GLYR1: variants seen among roughly 807,000 people sequenced by gnomAD.
The protein encoded by GLYR1 is cytokine-like nuclear factor N-PAC.
GLYR1 carries 21 observed loss-of-function variants against 72.7 expected under a neutral mutation model. That is an observed-to-expected ratio of 0.29 (90% CI 0.20 to 0.42). GLYR1 has a LOEUF of 0.42. Among genes scored for constraint, GLYR1 ranks in the 10% least tolerant of loss-of-function variants. GLYR1 has a pLI of 1.00. For missense variants in GLYR1, 594 were observed against 712.1 expected, an observed-to-expected ratio of 0.83 and a Z score of 1.89; for synonymous variants, 392 against 270.2, an observed-to-expected ratio of 1.45 and a Z score of -4.42.
At chr16:4,823,107 C>T (rs1040502490) in intron 6 of GLYR1, among the ~76,000 whole-genome samples, 176 bp from the exon 7 acceptor site, 44 of 152,224 alleles carry the variant, frequency 2.9e-4, no homozygotes, top group African/African-American at 1.1e-3. Flanking sequence ...AAAACAAGCC[C>T]CATTCCAGCT....
intron 6 of GLYR1, 105 bp from the exon 7 acceptor site, chr16:4,823,036 T>C (rs1443170850): frequency 4.3e-6 from 4 of 939,276 alleles, no homozygotes; most frequent in Non-Finnish European, 6.9e-6. Flanking sequence ...CTCTGGATTC[T>C]GGTCTCTTTT....
In GLYR1 at chr16:4,845,163, A is replaced by G; in HGVS notation, c.76-10T>C. ...TTGGTGGATTAACAATCTGGAGGATAAAAGGGGGGAAAAAGGTTGGCTGGC... is the reference window on the plus strand; with the variant it reads ...TTGGTGGATTAACAATCTGGAGGATGAAAGGGGGGAAAAAGGTTGGCTGGC... On this transcript the variant is annotated splice_polypyrimidine_tract_variant and intron_variant, in intron 2 of 15. Transcript: ENST00000321919. 1 of 1,609,000 alleles carries G rather than the reference A, an allele frequency of 6.2e-7. No homozygotes were observed.
intron 15 of GLYR1, among the ~76,000 whole-genome samples, chr16:4,807,265 C>T (rs1596297998): frequency 6.6e-6 from 1 of 151,944 alleles, no homozygotes; most frequent in African/African-American, 2.4e-5. Flanking sequence ...GTGCCCGCCA[C>T]TATGCCCGGC....
rs1259530395 is a variant in GLYR1 at position 4,812,178 on chromosome 16, C to T, written c.1190G>A (p.Gly397Glu). 2.5e-6 allele frequency: 4 copies of T among 1,614,182 alleles called. No individual in the cohort carries two copies. Among genetic ancestry groups the T allele is most frequent in the Non-Finnish European group, 3.4e-6 (4 of 1,180,044 alleles). The change falls in exon 13 of 16, where the codon GGG (glycine) becomes GAG (glutamate). Residue 397 changes from glycine to glutamate, a missense_variant. Around this residue, in one of 5 missense-constraint regions of GLYR1, gnomAD observed 266 missense variants for 358.4 expected, o/e 0.74. Transcript: ENST00000321919. Reference sequence around the variant, plus strand: ...TCCAGCCGCTAAGATCACCAACATCCCGTCATTAGACAGCTGCTGATTCCC... The same window carrying T: ...TCCAGCCGCTAAGATCACCAACATCTCGTCATTAGACAGCTGCTGATTCCC... ...VSGNQQLSNDGMLVILAAGDR... is the reference protein window; with the variant it reads ...VSGNQQLSNDEMLVILAAGDR...
chr16:4,844,996 G>A lies in GLYR1; in HGVS notation c.155+78C>T, dbSNP rs1196738854. On this transcript the variant is annotated intron_variant, in intron 3 of 15. Transcript: ENST00000321919. ...AAGAAGACTGAACTAAGGATCCTTA[G>A]AATATTTTCAAAGCAGCTCAGACTC... 8 of 929,530 alleles carry A rather than the reference G, an allele frequency of 8.6e-6. No homozygotes were observed. The African/African-American group carries it at 1.1e-4, about 13-fold the overall frequency. The allele number at this position is 929,530 out of a possible 1,614,324, so 57.6% of individuals were successfully genotyped here. A position where few individuals can be genotyped will look rare whatever the true frequency, so the allele number is the denominator to read the frequency against.
intron 3 of GLYR1, 152 bp from the exon 4 acceptor site, chr16:4,833,064 A>T (rs1326618908): frequency 3.4e-6 from 2 of 585,982 alleles, no homozygotes; most frequent in Non-Finnish European, 5.6e-6. Context: ...GCTATCAACC[A>T]TCTCAGAGTC....
At chr16:4,811,960 G>A in intron 13 of GLYR1, 126 bp downstream of exon 13, 7 of 1,431,462 alleles carry the variant, frequency 4.9e-6, no homozygotes, top group Non-Finnish European at 6.6e-6. Flanking sequence ...CACTGACTAT[G>A]CAGGTGAAAG....
At chr16:4,846,928 C>A (rs1239217855) in intron 1 of GLYR1, 2 of 462,592 alleles carry the variant, frequency 4.3e-6, no homozygotes, top group South Asian at 2.8e-5. Context: ...TCCGGGGAAG[C>A]CTCGCGGCAC....
intron 9 of GLYR1, among the ~76,000 whole-genome samples, chr16:4,820,375 G>A (rs2083933638): frequency 6.6e-6 from 1 of 152,156 alleles, no homozygotes; most frequent in African/African-American, 2.4e-5. Flanking sequence ...GGTGGGTTGG[G>A]CAACAACAAA....
Position 4,821,544 on chromosome 16 carries a change from T to A in GLYR1, c.732+3A>T. The A allele has an allele frequency of 6.2e-7, 1 of 1,614,078 alleles. No individual in the cohort carries two copies. Among genetic ancestry groups the A allele is most frequent in the Non-Finnish European group, 8.5e-7 (1 of 1,179,984 alleles). On this transcript the variant is annotated splice_donor_region_variant and intron_variant, in intron 8 of 15. Coordinates refer to ENST00000321919, the MANE Select transcript of GLYR1 (RefSeq NM_032569.4). ...AAAATGGGGAGGCATGGAGCCTACATACCTCTTCACATATTTTCAACTTCT... is the reference window on the plus strand; with the variant it reads ...AAAATGGGGAGGCATGGAGCCTACAAACCTCTTCACATATTTTCAACTTCT...
At chr16:4,836,324 G>A (rs547517363) in intron 3 of GLYR1, among the ~76,000 whole-genome samples, 1 of 151,048 alleles carries the variant, frequency 6.6e-6, no homozygotes, top group African/African-American at 2.5e-5. Flanking sequence ...TGTTTTTGTT[G>A]TTGCTACTGT....
At chr16:4,826,472 C>A (rs1214599317) in intron 5 of GLYR1, among the ~76,000 whole-genome samples, 2 of 152,170 alleles carry the variant, frequency 1.3e-5, no homozygotes, top group African/African-American at 4.8e-5. Context: ...AAGAACTCTG[C>A]CAGTCTGGCC....
intron 5 of GLYR1, among the ~76,000 whole-genome samples, chr16:4,825,211 G>C (rs1479152269): frequency 1.3e-5 from 2 of 152,160 alleles, no homozygotes; most frequent in East Asian, 3.8e-4. Flanking sequence ...TAAAGCTACG[G>C]GCTTCATGAG....
chr16:4,843,596 G>A, intron 3 of GLYR1: 1 of 1,289,060 alleles, frequency 7.8e-7, no homozygotes, highest in African/African-American at 1.5e-5. Context: ...AATGGGGCTG[G>A]GTCTATCTGT....
chr16:4,814,484 C>G, intron 11 of GLYR1, 53 bp downstream of exon 11: 1 of 1,401,304 alleles, frequency 7.1e-7, no homozygotes, highest in Non-Finnish European at 1.0e-6. Context: ...AGAGGCCAGC[C>G]AGCAATCCTG....
At position 4,811,778 on chromosome 16, in the gene GLYR1, A is replaced by G. The variant is rs750850526; in HGVS notation, c.1307T>C (p.Met436Thr). ...FLGEVGNAAK[M>T]MLIVNMVQGS... ...TTGGACCATGTTCACGATCAGCATC[A>G]TCTTGGCTGCATTGCCCACTTCACC... The change falls in exon 14 of 16, where the codon ATG becomes ACG. Residue 436 changes from methionine to threonine, a missense_variant. This residue lies in a region of GLYR1 where 266 missense variants were observed against 358.4 expected (regional missense o/e 0.74). Coordinates refer to ENST00000321919, the MANE Select transcript of GLYR1 (RefSeq NM_032569.4). 1 of 1,613,792 alleles carries G rather than the reference A, an allele frequency of 6.2e-7. No individual in the cohort carries two copies. Among genetic ancestry groups the G allele is most frequent in the Non-Finnish European group, 8.5e-7 (1 of 1,179,866 alleles).
At chr16:4,846,588 GGGTGGAGAAACAAGCTACGCAGCTCGA>G in intron 1 of GLYR1, 1 of 277,304 alleles carries the variant, frequency 3.6e-6, no homozygotes, top group Non-Finnish European at 7.2e-6. Context: ...GCCTTCCTCT[GGGTGGAGAAACAAGCTACGCAGCTCGA>G]GGGAGGCGGC....
intron 5 of GLYR1, among the ~76,000 whole-genome samples, chr16:4,826,034 C>G (rs947464343): frequency 1.3e-5 from 2 of 152,110 alleles, no homozygotes; most frequent in Admixed American, 6.6e-5. Flanking sequence ...GAGTCAGTCA[C>G]TGGTGTGGTA....
intron 15 of GLYR1, among the ~76,000 whole-genome samples, chr16:4,807,735 C>G (rs191785094): frequency 2.6e-5 from 4 of 152,266 alleles, no homozygotes; most frequent in African/African-American, 7.2e-5. Flanking sequence ...CTTTCCCAGC[C>G]CAAGCCACAT....
Sources: allele counts gnomAD v4.1 joint callset (sites outside exome capture counted in the v4.1 genomes callset), GRCh38; gene constraint gnomAD v4.1.1; regional missense constraint gnomAD v4.1.1; transcripts MANE v1.5; gene names NCBI Gene and HGNC (gene_info 2026-07-23, HGNC 2026-07-21).